The following DNAJC6 variants were observed in gnomAD, a reference collection of about 807,000 sequenced individuals.
The protein encoded by DNAJC6 is auxilin.
Under a neutral mutation model 110.0 loss-of-function variants are expected in DNAJC6, and 34 were observed. The ratio of observed to expected loss-of-function variants is 0.31; its 90% confidence interval spans 0.24 to 0.41. The LOEUF (loss-of-function observed/expected upper bound fraction) is 0.41, where lower values mean the gene tolerates loss of function less well. DNAJC6 is among the 10% of genes least tolerant of loss of function. The probability of loss-of-function intolerance (pLI) is 1.00; values close to 1 mark genes in which losing one functional copy is unlikely to be tolerated. For missense variants in DNAJC6, 1,031 were observed against 1,207.8 expected, an observed-to-expected ratio of 0.85 and a Z score of 2.17; for synonymous variants, 406 against 437.2, an observed-to-expected ratio of 0.93 and a Z score of 0.89.
At chr1:65,364,130 T>C (rs1645622981) in intron 1 of DNAJC6, among the ~76,000 whole-genome samples, 1 of 152,162 alleles carries the variant, frequency 6.6e-6, no homozygotes, top group Non-Finnish European at 1.5e-5. Flanking sequence ...GCCACATACG[T>C]AGCTTAAAAA....
At chr1:65,398,789 T>G (rs1256871571) in intron 13 of DNAJC6, 24 bp from the exon 14 acceptor site, 1 of 1,613,730 alleles carries the variant, frequency 6.2e-7, no homozygotes. Context: ...TTGTTCTCAT[T>G]CTTTTTCTTT....
At chr1:65,412,329 T>A (rs1427634058) in intron 18 of DNAJC6, among the ~76,000 whole-genome samples, 2 of 152,242 alleles carry the variant, frequency 1.3e-5, no homozygotes, top group Non-Finnish European at 2.9e-5. Flanking sequence ...GTCATCTTGC[T>A]GTCACATAGA....
intron 1 of DNAJC6, among the ~76,000 whole-genome samples, chr1:65,304,348 C>T (rs531728132): frequency 2.2e-4 from 34 of 152,276 alleles, no homozygotes; most frequent in African/African-American, 7.7e-4. Flanking sequence ...TCAGCTCACC[C>T]GATTTTTTCC....
intron 1 of DNAJC6, among the ~76,000 whole-genome samples, chr1:65,325,060 A>C (rs1645230193): frequency 6.6e-6 from 1 of 152,192 alleles, no homozygotes; most frequent in African/African-American, 2.4e-5. Flanking sequence ...AATTTCTACC[A>C]GGCTGCAGGA....
intron 11 of DNAJC6, 148 bp from the exon 12 acceptor site, chr1:65,392,283 C>T (rs754688478): frequency 5.5e-5 from 38 of 690,044 alleles, no homozygotes; most frequent in Non-Finnish European, 8.7e-5. Context: ...TGAAATACAT[C>T]AAGTGTTCCA....
chr1:65,353,839 A>T (rs754750101), intron 1 of DNAJC6, among the ~76,000 whole-genome samples: 1 of 152,110 alleles, frequency 6.6e-6, no homozygotes, highest in Non-Finnish European at 1.5e-5. Context: ...CAGTGGGTGC[A>T]GTGTTGCAAT....
chr1:65,286,973 G>A (rs1302163907), intron 1 of DNAJC6, among the ~76,000 whole-genome samples: 2 of 152,142 alleles, frequency 1.3e-5, no homozygotes, highest in African/African-American at 4.8e-5. Context: ...TTTCTATGCT[G>A]TTTTGCCTCT....
chr1:65,381,564 GATA>G, intron 5 of DNAJC6, among the ~76,000 whole-genome samples: 1 of 150,272 alleles, frequency 6.7e-6, no homozygotes, highest in East Asian at 1.9e-4. Flanking sequence ...AAAAAAAAAT[GATA>G]ATAACAATAG....
chr1:65,350,749 T>C (rs1244358887), intron 1 of DNAJC6, among the ~76,000 whole-genome samples: 1 of 152,206 alleles, frequency 6.6e-6, no homozygotes. Context: ...CCTAGTGTGA[T>C]GTGGCCTTTC....
chr1:65,290,960 A>G (rs1009879315), intron 1 of DNAJC6, among the ~76,000 whole-genome samples: 1 of 152,254 alleles, frequency 6.6e-6, no homozygotes, highest in African/African-American at 2.4e-5. Context: ...TTCATTCTTT[A>G]AAAGTTCAGC....
chr1:65,338,768 G>A (rs1645361279), intron 1 of DNAJC6, among the ~76,000 whole-genome samples: 1 of 152,110 alleles, frequency 6.6e-6, no homozygotes, highest in Non-Finnish European at 1.5e-5. Flanking sequence ...GATAAAATTT[G>A]GAGGTAGTAC....
Position 65,310,014 on chromosome 1 carries a change from C to T in DNAJC6, c.193+76C>T, listed in dbSNP as rs752920472. On this transcript the variant is annotated intron_variant, in intron 1 of 18. Coordinates refer to ENST00000371069, the MANE Select transcript of DNAJC6 (RefSeq NM_001256864.2). Reference sequence around the variant, plus strand: ...GCCTCCCAGTCGCCCGGCCCGAGGCCCCCCCGTGGTCCCCCAGCCCCGGTT... The same window carrying T: ...GCCTCCCAGTCGCCCGGCCCGAGGCTCCCCCGTGGTCCCCCAGCCCCGGTT... 1.3e-5 allele frequency: 18 copies of T among 1,370,950 alleles called. No homozygotes were observed. In the African/African-American group the frequency reaches 1.4e-4, roughly 11 times the overall value. The allele number at this position is 1,370,950 out of a possible 1,614,324, so 84.9% of individuals were successfully genotyped here.
intron 1 of DNAJC6, among the ~76,000 whole-genome samples, chr1:65,336,253 A>G (rs1182197987): frequency 6.6e-6 from 1 of 152,122 alleles, no homozygotes; most frequent in African/African-American, 2.4e-5. Context: ...AAAGTCCCCT[A>G]TGAAACTATT....
intron 4 of DNAJC6, 91 bp downstream of exon 4, chr1:65,366,287 A>C: frequency 1.4e-6 from 2 of 1,400,032 alleles, no homozygotes; most frequent in East Asian, 2.3e-5. Context: ...GCCCTTAGGC[A>C]TCTGAAGCTG....
At position 65,343,754 on chromosome 1, in the gene DNAJC6, A is replaced by G. The variant is rs116327662; in HGVS notation, c.194-20881A>G. 7.4e-3 allele frequency among the ~76,000 whole-genome samples: 1,126 copies of G among 151,280 alleles called. 10 individuals are homozygous for G. The highest frequency in any genetic ancestry group is 0.025 in the African/African-American group (1,006 of 41,002). ...GTTCCTGACTTAATAAAAAAAAAGGAAAAAAAAATATTCCGAGGTTGTATA... is the reference window on the plus strand; with the variant it reads ...GTTCCTGACTTAATAAAAAAAAAGGGAAAAAAAATATTCCGAGGTTGTATA... On this transcript the variant is annotated intron_variant, in intron 1 of 18. Transcript: ENST00000371069.
chr1:65,309,233 C>T (rs1403008045), upstream of DNAJC6, among the ~76,000 whole-genome samples: 1 of 151,884 alleles, frequency 6.6e-6, no homozygotes, highest in Non-Finnish European at 1.5e-5. Context: ...TCCCAACCCA[C>T]GTCGTAGTAG....
At position 65,364,619 on chromosome 1, in the gene DNAJC6, T is replaced by G. The variant is rs772643958; in HGVS notation, c.194-16T>G. The G allele has an allele frequency of 2.3e-4, 353 of 1,524,330 alleles. 1 individual carries two copies. In the African/African-American group the frequency reaches 3.5e-3, roughly 15 times the overall value. The allele number at this position is 1,524,330 out of a possible 1,614,324, so 94.4% of individuals were successfully genotyped here. ...ATCACCATTTTTGTTTGTTTGTTTT[T>G]TTTTTTTTTTGGCAGGTGCCTCATC... On this transcript the variant is annotated splice_polypyrimidine_tract_variant and intron_variant, in intron 1 of 18. Coordinates refer to ENST00000371069, the MANE Select transcript of DNAJC6 (RefSeq NM_001256864.2).
rs533247824 is a variant in DNAJC6, at chr1:65,384,110, C to G, written c.667-83C>G. On this transcript the variant is annotated intron_variant, in intron 5 of 18. Coordinates refer to ENST00000371069, the MANE Select transcript of DNAJC6 (RefSeq NM_001256864.2). ...AAGAGGATTTCTCCTCTCTCTGTCT[C>G]TTAATTGCAAATTCTGCCATTTTCA... 11 of 1,337,296 alleles carry G rather than the reference C, an allele frequency of 8.2e-6. No individual in the cohort carries two copies. In the East Asian group the frequency reaches 3.1e-4, roughly 37 times the overall value. The allele number at this position is 1,337,296 out of a possible 1,614,324, so 82.8% of individuals were successfully genotyped here. A position where few individuals can be genotyped will look rare whatever the true frequency, so the allele number is the denominator to read the frequency against.
At chr1:65,396,226 A>G (rs939394280) in intron 13 of DNAJC6, among the ~76,000 whole-genome samples, 8 of 152,168 alleles carry the variant, frequency 5.3e-5, no homozygotes, top group African/African-American at 1.9e-4. Context: ...CTCACTTGAG[A>G]GAGTCTCCTG....
Sources: allele counts gnomAD v4.1 joint callset (sites outside exome capture counted in the v4.1 genomes callset), GRCh38; gene constraint gnomAD v4.1.1; transcripts MANE v1.5; gene names NCBI Gene and HGNC (gene_info 2026-07-23, HGNC 2026-07-21).